The following LDAH variants were observed in gnomAD, a reference collection of about 807,000 sequenced individuals.
LDAH encodes the protein lipid droplet-associated hydrolase.
Under a neutral mutation model 29.6 loss-of-function variants are expected in LDAH, and 26 were observed. The ratio of observed to expected loss-of-function variants is 0.88; its 90% CI spans 0.64 to 1.22. The LOEUF (loss-of-function observed/expected upper bound fraction) is 1.22, where lower values mean the gene tolerates loss of function less well. Among genes scored for constraint, LDAH ranks in the 50% most tolerant of loss-of-function variants. The pLI is 0.00. For synonymous variants in LDAH, 117 were observed against 133.0 expected (o/e 0.88, Z 0.83); for missense variants, 344 against 387.3 (o/e 0.89, Z 0.94).
chr2:20,739,497 TA>T lies in LDAH; in HGVS notation c.703+473del, dbSNP rs1266963580. Among the ~76,000 whole-genome samples the T allele has an allele frequency of 7.9e-5, 12 of 152,316 alleles. No homozygotes were observed. In the East Asian group the frequency reaches 2.3e-3, roughly 29 times the overall value. ...TAAAAATCAGCAAAGCACCCAGTAT[TA>T]AAATACATTACCATGACAAATATTT... On this transcript the variant is annotated intron_variant, in intron 5 of 6. Coordinates refer to ENST00000237822, the MANE Select transcript of LDAH (RefSeq NM_021925.4).
intron 4 of LDAH, among the ~76,000 whole-genome samples, chr2:20,770,527 T>C (rs1669337672): frequency 6.6e-6 from 1 of 152,196 alleles, no homozygotes; most frequent in African/African-American, 2.4e-5. Context: ...AGGTGACACA[T>C]TTTTAACATA....
In LDAH at chr2:20,716,116, T is replaced by C. The variant is rs754848912; in HGVS notation, c.704-14464A>G. Reference sequence around the variant, plus strand: ...GGATATGGAGAAATTGGAATGCTTTTACACTGTTTGTTGGAGTGTAAATTA... The same window carrying C: ...GGATATGGAGAAATTGGAATGCTTTCACACTGTTTGTTGGAGTGTAAATTA... On this transcript the variant is annotated intron_variant, in intron 5 of 6. Coordinates refer to ENST00000237822, the MANE Select transcript of LDAH (RefSeq NM_021925.4). Among the ~76,000 whole-genome samples the C allele has an allele frequency of 5.3e-4, 81 of 152,216 alleles. 2 individuals carry two copies. The highest frequency in any genetic ancestry group is 5.9e-4 in the Admixed American group (9 of 15,272).
At chr2:20,773,964 T>C (rs1558465226) in intron 4 of LDAH, among the ~76,000 whole-genome samples, 1 of 152,192 alleles carries the variant, frequency 6.6e-6, no homozygotes, top group East Asian at 1.9e-4. Flanking sequence ...ATCTATTGGT[T>C]AGACTGTCTC....
chr2:20,796,200 T>C (rs1199733573), intron 2 of LDAH, among the ~76,000 whole-genome samples: 1 of 152,178 alleles, frequency 6.6e-6, no homozygotes, highest in Non-Finnish European at 1.5e-5. Context: ...TAATGGGCTC[T>C]CTTCCTTTCA....
chr2:20,714,041 T>C lies in LDAH; in HGVS notation c.704-12389A>G, dbSNP rs192676776. 7.9e-5 allele frequency among the ~76,000 whole-genome samples: 12 copies of C among 152,296 alleles called. No individual in the cohort carries two copies. The East Asian group carries it at 1.9e-3, about 24-fold the overall frequency. On this transcript the variant is annotated intron_variant, in intron 5 of 6. Coordinates refer to ENST00000237822, the MANE Select transcript of LDAH (RefSeq NM_021925.4). ...CTGCACCAAGCAGACCTAATAGACA[T>C]CTACAGAACACTCCACCCCAAATCA...
chr2:20,740,130 G>C lies in LDAH; in HGVS notation c.544C>G (p.Leu182Val). The change falls in exon 5 of 7, where the codon CTT becomes GTT. Residue 182 changes from leucine (L) to valine (V), a missense_variant. Leu to Val is a conservative substitution (Grantham distance 32, BLOSUM62 1). Transcript: ENST00000237822. ...AGAACATATCGAAACCAGCACAAAAGTGGAGTGGCAATTCTGCCATTGGGT... is the reference window on the plus strand; with the variant it reads ...AGAACATATCGAAACCAGCACAAAACTGGAGTGGCAATTCTGCCATTGGGT... Reference protein sequence around the residue: ...ESPNGRIATPLLCWFRYVLYV... With the variant: ...ESPNGRIATPVLCWFRYVLYV... The C allele has an allele frequency of 2.5e-6, 4 of 1,614,146 alleles. No individual in the cohort carries two copies. The highest frequency in any genetic ancestry group is 3.4e-6 in the Non-Finnish European group (4 of 1,179,990).
chr2:20,728,193 T>A (rs547777640), intron 5 of LDAH, among the ~76,000 whole-genome samples: 3 of 152,292 alleles, frequency 2.0e-5, no homozygotes, highest in African/African-American at 7.2e-5. Flanking sequence ...TTTGTTTCCG[T>A]AAGATTTCTA....
chr2:20,741,378 A>G (rs1266568128), intron 4 of LDAH, among the ~76,000 whole-genome samples: 1 of 152,152 alleles, frequency 6.6e-6, no homozygotes, highest in East Asian at 1.9e-4. Flanking sequence ...GTTATCTTCT[A>G]GTCATTTTAT....
At chr2:20,713,475 C>G (rs576710801) in intron 5 of LDAH, among the ~76,000 whole-genome samples, 1 of 152,272 alleles carries the variant, frequency 6.6e-6, no homozygotes, top group East Asian at 1.9e-4. Context: ...GAAACTGCAT[C>G]AAGTAATGGG....
chr2:20,767,421 G>A (rs1003830401), intron 4 of LDAH, among the ~76,000 whole-genome samples: 1 of 152,236 alleles, frequency 6.6e-6, no homozygotes, highest in Non-Finnish European at 1.5e-5. Context: ...GCCCGGCTGG[G>A]TGTGCACACA....
intron 5 of LDAH, among the ~76,000 whole-genome samples, chr2:20,716,862 C>CATA (rs565997497): frequency 6.7e-6 from 1 of 149,232 alleles, no homozygotes; most frequent in Non-Finnish European, 1.5e-5. Context: ...ATTTTTTTTT[C>CATA]CCAGAGCCTC....
At chr2:20,821,214 C>T (rs1307004482) in intron 1 of LDAH, among the ~76,000 whole-genome samples, 1 of 152,172 alleles carries the variant, frequency 6.6e-6, no homozygotes, top group Admixed American at 6.5e-5. Context: ...GTGGCGATTC[C>T]TCAGGGATCT....
chr2:20,760,547 G>T (rs1168040825), intron 4 of LDAH, among the ~76,000 whole-genome samples: 1 of 152,204 alleles, frequency 6.6e-6, no homozygotes, highest in African/African-American at 2.4e-5. Flanking sequence ...ACTGGGGAAG[G>T]ATACAAATCA....
rs1317730312 is a variant in LDAH, at chr2:20,775,633, T to TA, written c.299-655dup. Among the ~76,000 whole-genome samples the TA allele has an allele frequency of 2.6e-5, 4 of 152,332 alleles. No individual in the cohort carries two copies. The East Asian group carries it at 7.7e-4, about 29-fold the overall frequency. On this transcript the variant is annotated intron_variant, in intron 3 of 6. Transcript: ENST00000237822. ...GATCGAAAAACTTAGGTAGAAATGT[T>TA]AAAAACTGTCCCTTTTAAATAATCA...
chr2:20,782,945 C>T (rs975434727), intron 3 of LDAH, among the ~76,000 whole-genome samples: 4 of 152,172 alleles, frequency 2.6e-5, no homozygotes, highest in Admixed American at 2.6e-4. Context: ...TTCTCTAATA[C>T]ATGCAGTCAA....
At chr2:20,783,433 A>G (rs1251350230) in intron 3 of LDAH, among the ~76,000 whole-genome samples, 1 of 152,216 alleles carries the variant, frequency 6.6e-6, no homozygotes, top group Non-Finnish European at 1.5e-5. Context: ...ATAATAGTGC[A>G]GTCTATCAGT....
chr2:20,796,595 C>T (rs1377477798), intron 2 of LDAH, among the ~76,000 whole-genome samples: 1 of 152,138 alleles, frequency 6.6e-6, no homozygotes, highest in Non-Finnish European at 1.5e-5. Context: ...ATCCAAAGAA[C>T]TTCACCTACA....
intron 5 of LDAH, among the ~76,000 whole-genome samples, chr2:20,729,686 T>C (rs537164896): frequency 6.6e-6 from 1 of 152,348 alleles, no homozygotes; most frequent in Admixed American, 6.5e-5. Flanking sequence ...AGTTGTAGAT[T>C]TACATGCAGG....
intron 5 of LDAH, among the ~76,000 whole-genome samples, chr2:20,709,405 G>A (rs1275669133): frequency 6.6e-6 from 1 of 152,072 alleles, no homozygotes; most frequent in Non-Finnish European, 1.5e-5. Context: ...ATAAGCATGT[G>A]AAAAGATGTT....
Sources: gnomAD v4.1 joint callset for allele counts (sites outside exome capture counted in the v4.1 genomes callset) on GRCh38, gnomAD v4.1.1 for gene constraint, MANE v1.5 for transcripts, NCBI Gene and HGNC (gene_info 2026-07-23, HGNC 2026-07-21) for gene names.